The following WDFY4 variants were observed in gnomAD, a reference collection of about 807,000 sequenced individuals.
WDFY4 encodes WDFY family member 4.
Under a neutral mutation model 351.9 loss-of-function variants are expected in WDFY4, and 169 were observed. That is an observed-to-expected ratio of 0.48 (90% CI 0.42 to 0.55). The LOEUF is 0.55. Among genes scored for constraint, WDFY4 ranks in the 20% least tolerant of loss-of-function variants. The pLI is 0.00. For missense variants in WDFY4, 3,803 were observed against 3,935.6 expected (o/e 0.97, Z 0.90); for synonymous variants, 1,622 against 1,574.6 (o/e 1.03, Z -0.71).
At chr10:48,974,502 CAAAAA>C (rs553826473) in intron 57 of WDFY4, among the ~76,000 whole-genome samples, 2 of 10,380 alleles carry the variant, frequency 1.9e-4, no homozygotes, top group African/African-American at 6.4e-4. Flanking sequence ...GACTCCGTCT[CAAAAA>C]AAAAAAAAAA....
intron 43 of WDFY4, among the ~76,000 whole-genome samples, chr10:48,887,516 C>T (rs562521087): frequency 6.3e-4 from 96 of 152,276 alleles, no homozygotes; most frequent in South Asian, 4.8e-3. Context: ...CGGTGGCTCA[C>T]GCCCGTAATC....
At chr10:48,747,274 G>A (rs1341226078) in intron 12 of WDFY4, among the ~76,000 whole-genome samples, 1 of 151,680 alleles carries the variant, frequency 6.6e-6, no homozygotes, top group African/African-American at 2.4e-5. Context: ...TTTTTCTCTG[G>A]TCGCTTTTAA....
Position 48,909,305 on chromosome 10 carries a change from A to G in WDFY4, c.7586+7442A>G, listed in dbSNP as rs577290989. 3.9e-5 allele frequency among the ~76,000 whole-genome samples: 6 copies of G among 152,012 alleles called. No homozygotes were observed. In the South Asian group the frequency reaches 1.0e-3, roughly 26 times the overall value. On this transcript the variant is annotated intron_variant, in intron 47 of 61. Coordinates refer to ENST00000325239, the MANE Select transcript of WDFY4 (RefSeq NM_001394531.1). Reference sequence around the variant, plus strand: ...ATTTTTTGTTTTTTTCCTGTTGTTTATTTCTCTGGTTTCTTTTTCCTGCCT... The same window carrying G: ...ATTTTTTGTTTTTTTCCTGTTGTTTGTTTCTCTGGTTTCTTTTTCCTGCCT...
chr10:48,805,952 G>T (rs923134954), intron 26 of WDFY4, 52 bp from the exon 27 acceptor site: 1 of 1,491,878 alleles, frequency 6.7e-7, no homozygotes, highest in Non-Finnish European at 9.2e-7. Context: ...TGTACTCAGC[G>T]GACTCAGTTG....
intron 43 of WDFY4, among the ~76,000 whole-genome samples, chr10:48,890,130 C>T (rs1436077552): frequency 6.6e-6 from 1 of 152,230 alleles, no homozygotes; most frequent in Non-Finnish European, 1.5e-5. Flanking sequence ...ACTTGTGGTT[C>T]TAGGCACATT....
At chr10:48,704,123 A>C (rs954112738) in intron 1 of WDFY4, among the ~76,000 whole-genome samples, 1 of 151,420 alleles carries the variant, frequency 6.6e-6, no homozygotes, top group Admixed American at 6.6e-5. Context: ...GCTTCTCACT[A>C]TGCTGGACCT....
chr10:48,912,088 A>G (rs1198273862), intron 47 of WDFY4, among the ~76,000 whole-genome samples: 1 of 152,192 alleles, frequency 6.6e-6, no homozygotes. Context: ...ATCATTCTTG[A>G]TCTTTTCTTT....
intron 39 of WDFY4, among the ~76,000 whole-genome samples, chr10:48,844,004 C>A (rs746954179): frequency 6.6e-6 from 1 of 152,226 alleles, no homozygotes; most frequent in African/African-American, 2.4e-5. Context: ...TCTGGGCCCT[C>A]CTGAGGCACT....
At chr10:48,903,176 G>A (rs1837447642) in intron 47 of WDFY4, among the ~76,000 whole-genome samples, 2 of 152,004 alleles carry the variant, frequency 1.3e-5, no homozygotes, top group South Asian at 2.1e-4. Context: ...CCAGGGAAGA[G>A]CAAGGCATGG....
intron 14 of WDFY4, 80 bp from the exon 15 acceptor site, chr10:48,775,632 G>C: frequency 7.4e-7 from 1 of 1,359,752 alleles, no homozygotes; most frequent in Non-Finnish European, 1.0e-6. Context: ...CAGGCATCTA[G>C]GACAGTTGTC....
intron 19 of WDFY4, among the ~76,000 whole-genome samples, chr10:48,784,208 G>A (rs1411550987): frequency 1.3e-5 from 2 of 152,214 alleles, no homozygotes; most frequent in Admixed American, 1.3e-4. Flanking sequence ...TGAATTCCAA[G>A]AGTTCAATTG....
At chr10:48,882,860 A>G (rs1295506702) in intron 43 of WDFY4, among the ~76,000 whole-genome samples, 1 of 152,192 alleles carries the variant, frequency 6.6e-6, no homozygotes, top group East Asian at 1.9e-4. Context: ...TGAGATTTGG[A>G]ACAAAACATC....
chr10:48,856,219 A>T (rs191071478), intron 39 of WDFY4, among the ~76,000 whole-genome samples: 1 of 152,292 alleles, frequency 6.6e-6, no homozygotes, highest in East Asian at 1.9e-4. Context: ...TCCCACAGAT[A>T]TGCAGTTAGA....
At chr10:48,740,631 T>C (rs531160076) in intron 11 of WDFY4, among the ~76,000 whole-genome samples, 3 of 152,356 alleles carry the variant, frequency 2.0e-5, no homozygotes. Context: ...CCAACTTTCC[T>C]GGGTTTTCGG....
chr10:48,738,877 A>C (rs2064760262), intron 11 of WDFY4, among the ~76,000 whole-genome samples: 1 of 152,192 alleles, frequency 6.6e-6, no homozygotes, highest in African/African-American at 2.4e-5. Flanking sequence ...ATCACTCTGC[A>C]TCCCTTCCCT....
intron 47 of WDFY4, chr10:48,932,375 T>C (rs746248752): frequency 2.0e-5 from 3 of 152,180 alleles, no homozygotes; most frequent in Non-Finnish European, 4.4e-5. Flanking sequence ...AAATACAAAG[T>C]CTTTGCAACC....
chr10:48,692,966 G>T (rs961228454), intron 1 of WDFY4, among the ~76,000 whole-genome samples: 1 of 152,214 alleles, frequency 6.6e-6, no homozygotes, highest in East Asian at 1.9e-4. Flanking sequence ...CTTGTGTTGA[G>T]GGGGGCAGCC....
rs2066500697 is a variant in WDFY4 at position 48,787,898 on chromosome 10, TTCTTCTTCTTCTTCTTCTTC to T, written c.3809-630_3809-611del. On this transcript the variant is annotated intron_variant, in intron 20 of 61. Coordinates refer to ENST00000325239, the MANE Select transcript of WDFY4 (RefSeq NM_001394531.1). Reference sequence around the variant, plus strand: ...TCTTTCTTTCTTCTTCTTCTCCTTCTTCTTCTTCTTCTTCTTCTTCTTCTTCTTCTTCTTCTTCTTCTTCT... The same window carrying T: ...TCTTTCTTTCTTCTTCTTCTCCTTCTTTCTTCTTCTTCTTCTTCTTCTTCT... Among the ~76,000 whole-genome samples the T allele has an allele frequency of 1.3e-3, 37 of 29,482 alleles. 1 individual carries two copies. The highest frequency in any genetic ancestry group is 0.011 in the Middle Eastern group (1 of 88). 19.3% of individuals were successfully genotyped at this position (29,482 alleles called of 152,430 possible). A position where few individuals can be genotyped will look rare whatever the true frequency, so the allele number is the denominator to read the frequency against.
At chr10:48,958,126 T>C (rs112793720) in intron 52 of WDFY4, among the ~76,000 whole-genome samples, 1 of 152,132 alleles carries the variant, frequency 6.6e-6, no homozygotes, top group Non-Finnish European at 1.5e-5. Flanking sequence ...ATGCAGCCCC[T>C]GTAGGGGGTA....
Sources: allele counts gnomAD v4.1 joint callset (sites outside exome capture counted in the v4.1 genomes callset), GRCh38; gene constraint gnomAD v4.1.1; transcripts MANE v1.5; gene names NCBI Gene and HGNC (gene_info 2026-07-23, HGNC 2026-07-21).